Variants in TAFA5 observed in about 807,000 individuals in gnomAD.
TAFA5 encodes TAFA chemokine like family member 5, also known as chemokine-like protein TAFA-5.
In TAFA5, 6 loss-of-function variants were observed where a neutral mutation model predicts 15.3. The observed-to-expected ratio is 0.39, with a 90% confidence interval of 0.21 to 0.77. TAFA5 has a LOEUF of 0.77. Ranked by LOEUF, TAFA5 falls within the 30% of genes least tolerant of loss-of-function variation. The pLI is 0.41. For synonymous variants in TAFA5, 103 were observed against 80.7 expected, an observed-to-expected ratio of 1.28 and a Z score of -1.48; for missense variants, 161 against 193.1, an observed-to-expected ratio of 0.83 and a Z score of 0.98.
intron 1 of TAFA5, among the ~76,000 whole-genome samples, chr22:48,613,940 C>T (rs1276478029): frequency 1.3e-5 from 2 of 152,336 alleles, no homozygotes; most frequent in East Asian, 1.9e-4. Context: ...GCCCTCAGCC[C>T]GCTTCCCACC....
chr22:48,558,359 T>G (rs1205533274), intron 1 of TAFA5, among the ~76,000 whole-genome samples: 2 of 152,186 alleles, frequency 1.3e-5, no homozygotes, highest in Non-Finnish European at 2.9e-5. Context: ...TTAAATCTTG[T>G]TTTTGAATGC....
At chr22:48,650,913 G>T (rs1927032537) in intron 2 of TAFA5, among the ~76,000 whole-genome samples, 3 of 152,208 alleles carry the variant, frequency 2.0e-5, no homozygotes, top group African/African-American at 7.2e-5. Flanking sequence ...AGACGCGCCA[G>T]GTTCCCTTTT....
chr22:48,565,279 T>G (rs1923372767), intron 1 of TAFA5, among the ~76,000 whole-genome samples: 2 of 152,298 alleles, frequency 1.3e-5, no homozygotes, highest in Admixed American at 1.3e-4. Flanking sequence ...CCTCAGGCGC[T>G]GGCTGCAGGG....
At chr22:48,625,020 C>G (rs973747993) in intron 1 of TAFA5, among the ~76,000 whole-genome samples, 2 of 151,746 alleles carry the variant, frequency 1.3e-5, no homozygotes, top group African/African-American at 2.4e-5. Flanking sequence ...GAGGCTGAGG[C>G]AGGAGAATTG....
chr22:48,709,481 T>C (rs1001397573), intron 3 of TAFA5, among the ~76,000 whole-genome samples: 1 of 152,176 alleles, frequency 6.6e-6, no homozygotes, highest in Non-Finnish European at 1.5e-5. Context: ...CATCCACCTG[T>C]GGACCCCAGT....
rs1423461123 is a variant in TAFA5 at position 48,530,619 on chromosome 22, C to T, written c.112+40915C>T. On this transcript the variant is annotated intron_variant, in intron 1 of 3. Transcript: ENST00000402357. The surrounding 1 kb of genome is among the most constrained non-coding windows in gnomAD (Gnocchi z 6.0). ...AAACCAGCGCTCCCCTGGCTCCCTC[C>T]CTTCCCATCCCTTCTGCTTGGCGAC... Among the ~76,000 whole-genome samples, 1 of 152,084 alleles carries T rather than the reference C, an allele frequency of 6.6e-6. No homozygotes were observed. Among genetic ancestry groups the T allele is most frequent in the East Asian group, 1.9e-4 (1 of 5,148 alleles).
rs1255032346 is a variant in TAFA5 at position 48,726,060 on chromosome 22, A to G, written c.390+18216A>G. 5.3e-5 allele frequency among the ~76,000 whole-genome samples: 8 copies of G among 152,208 alleles called. 1 individual carries two copies. In the South Asian group the frequency reaches 1.4e-3, roughly 28 times the overall value. Reference sequence around the variant, plus strand: ...AAAATAGAAAGACAAGAGAACAAGAATCCCCACAAACACACATGCAAGCTG... The same window carrying G: ...AAAATAGAAAGACAAGAGAACAAGAGTCCCCACAAACACACATGCAAGCTG... On this transcript the variant is annotated intron_variant, in intron 3 of 3. Coordinates refer to ENST00000402357, the MANE Select transcript of TAFA5 (RefSeq NM_001082967.3).
At chr22:48,640,251 A>AGCTCT (rs1926623605) in intron 1 of TAFA5, among the ~76,000 whole-genome samples, 1 of 152,062 alleles carries the variant, frequency 6.6e-6, no homozygotes, top group Non-Finnish European at 1.5e-5. Flanking sequence ...TCTACCATGC[A>AGCTCT]GCTCTGCTGG....
At chr22:48,703,922 G>C (rs1928996363) in intron 2 of TAFA5, among the ~76,000 whole-genome samples, 1 of 152,228 alleles carries the variant, frequency 6.6e-6, no homozygotes, top group Non-Finnish European at 1.5e-5. Context: ...ACATCTCCCT[G>C]TTGCAGTTGA....
intron 2 of TAFA5, among the ~76,000 whole-genome samples, chr22:48,671,427 G>T (rs1007114011): frequency 3.3e-5 from 5 of 152,224 alleles, no homozygotes; most frequent in Admixed American, 6.5e-5. Flanking sequence ...GTGCTGGCTT[G>T]CTGAGGCAGG....
chr22:48,742,021 A>G lies in TAFA5; in HGVS notation c.391-7818A>G, dbSNP rs1930193866. ...AAGAACCCCATGGTTGGGGGTAAAC[A>G]CTGTTCCTATCCCGTGTTACAGACG... On this transcript the variant is annotated intron_variant, in intron 3 of 3. Transcript: ENST00000402357. The surrounding 1 kb of genome is among the most constrained non-coding windows in gnomAD (Gnocchi z 6.2). Among the ~76,000 whole-genome samples, 10 of 152,344 alleles carry G rather than the reference A, an allele frequency of 6.6e-5. 1 individual carries two copies. The South Asian group carries it at 2.1e-3, about 32-fold the overall frequency.
chr22:48,615,714 C>G (rs528220522), intron 1 of TAFA5, among the ~76,000 whole-genome samples: 16 of 152,308 alleles, frequency 1.1e-4, no homozygotes, highest in Middle Eastern at 3.4e-3. Context: ...CCCCCCTCTC[C>G]AGGAGGGGCC....
chr22:48,590,238 G>A (rs1438179011), intron 1 of TAFA5, among the ~76,000 whole-genome samples: 4 of 152,182 alleles, frequency 2.6e-5, no homozygotes, highest in African/African-American at 7.2e-5. Flanking sequence ...CGAGGAGATC[G>A]GGGTTGGGGT....
At chr22:48,686,673 G>T (rs1054084765) in intron 2 of TAFA5, among the ~76,000 whole-genome samples, 101 of 151,702 alleles carry the variant, frequency 6.7e-4, no homozygotes, top group Non-Finnish European at 1.2e-3. Flanking sequence ...GTGGGTAGAT[G>T]AATGGATAGA....
chr22:48,597,215 C>G (rs1485903860), intron 1 of TAFA5, among the ~76,000 whole-genome samples: 2 of 152,236 alleles, frequency 1.3e-5, no homozygotes, highest in African/African-American at 4.8e-5. Context: ...CTGAGCGTGT[C>G]CCCAGAGTGT....
At chr22:48,646,478 G>T (rs1488535930) in intron 1 of TAFA5, 119 bp from the exon 2 acceptor site, 5 of 1,273,722 alleles carry the variant, frequency 3.9e-6, no homozygotes, top group Non-Finnish European at 5.3e-6. Flanking sequence ...GAGTGAAGCG[G>T]TCTCCCTGCC....
intron 1 of TAFA5, among the ~76,000 whole-genome samples, chr22:48,507,833 G>A (rs958248159): frequency 2.0e-5 from 3 of 152,156 alleles, no homozygotes; most frequent in Non-Finnish European, 4.4e-5. Context: ...CAAGGCCAGC[G>A]CTAGGTGTTT....
intron 2 of TAFA5, among the ~76,000 whole-genome samples, chr22:48,703,047 A>G (rs137969292): frequency 1.3e-5 from 2 of 152,270 alleles, no homozygotes; most frequent in African/African-American, 4.8e-5. Context: ...GCAGATACAT[A>G]TCTGTGTGTG....
At chr22:48,654,135 G>A (rs967447408) in intron 2 of TAFA5, among the ~76,000 whole-genome samples, 29 of 152,098 alleles carry the variant, frequency 1.9e-4, no homozygotes, top group African/African-American at 7.2e-5. Flanking sequence ...GGAAGAGGGC[G>A]GTCACCTGGC....
Sources: gnomAD v4.1 joint callset for allele counts (sites outside exome capture counted in the v4.1 genomes callset) on GRCh38, gnomAD v4.1.1 for gene constraint, Gnocchi (gnomAD v3.1) non-coding constraint, MANE v1.5 for transcripts, NCBI Gene and HGNC (gene_info 2026-07-23, HGNC 2026-07-21) for gene names.